RRBP1: variants seen among roughly 807,000 people sequenced by gnomAD.
RRBP1 encodes the protein ribosome binding protein 1, also known as ribosome-binding protein 1.
Under a neutral mutation model 165.2 loss-of-function variants are expected in RRBP1, and 94 were observed. The observed-to-expected ratio is 0.57, with a 90% CI of 0.48 to 0.68. The LOEUF (loss-of-function observed/expected upper bound fraction) is 0.68. Among genes scored for constraint, RRBP1 ranks in the 30% least tolerant of loss-of-function variants. RRBP1 has a pLI of 0.00. For synonymous variants in RRBP1, 680 were observed against 714.5 expected (o/e 0.95, Z 0.77); for missense variants, 1,676 against 1,763.0 (o/e 0.95, Z 0.88).
At chr20:17,676,468 T>C (rs1238057994) in intron 2 of RRBP1, among the ~76,000 whole-genome samples, 2 of 152,102 alleles carry the variant, frequency 1.3e-5, no homozygotes, top group African/African-American at 4.8e-5. Context: ...ACTCACTCAC[T>C]CCAGGGATCA....
At chr20:17,645,260 G>A (rs1272246832) in intron 3 of RRBP1, among the ~76,000 whole-genome samples, 2 of 152,342 alleles carry the variant, frequency 1.3e-5, no homozygotes, top group East Asian at 1.9e-4. Flanking sequence ...ATGCTCACCC[G>A]CCGCAGGCTC....
intron 2 of RRBP1, among the ~76,000 whole-genome samples, chr20:17,665,544 G>A (rs1466901326): frequency 1.3e-5 from 2 of 152,084 alleles, no homozygotes; most frequent in African/African-American, 4.8e-5. Context: ...GCTAATTTTT[G>A]TAGTTTTTAG....
intron 22 of RRBP1, among the ~76,000 whole-genome samples, 177 bp downstream of exon 22, chr20:17,615,749 G>A (rs1179708482): frequency 6.6e-6 from 1 of 152,210 alleles, no homozygotes; most frequent in African/African-American, 2.4e-5. Context: ...GGGCTCCCAA[G>A]GTGCCTCCAG....
In RRBP1 at chr20:17,658,606, T is replaced by G. The variant is rs368406747; in HGVS notation, c.1902A>C (p.Lys634Asn). ...PAKKKSGSKK[K>N]GEPGPPDADG... ...AAATCAGTTACTTACCAGGCTCACC[T>G]TTTTTCTTTGAACCAGACTTCTTCT... is the stretch of plus-strand genomic sequence containing the variant. The change falls in exon 3 of 25, where the codon AAA becomes AAC. Residue 634 changes from lysine to asparagine, a missense_variant. Lys to Asn is a moderately conservative substitution (Grantham distance 94). Around this residue, in one of 5 missense-constraint regions of RRBP1, gnomAD observed 1,184 missense variants for 1,167.1 expected, o/e 1.01. Transcript: ENST00000377813. 6.3e-7 allele frequency: 1 copy of G among 1,589,890 alleles called. No individual in the cohort carries two copies. The highest frequency in any genetic ancestry group is 1.7e-4 in the Middle Eastern group (1 of 5,816).
intron 3 of RRBP1, among the ~76,000 whole-genome samples, chr20:17,645,210 C>T (rs1402013831): frequency 6.6e-6 from 1 of 152,214 alleles, no homozygotes; most frequent in Non-Finnish European, 1.5e-5. Context: ...AGGGCACGCG[C>T]TCTAGGACGC....
Position 17,667,246 on chromosome 20 carries a change from C to A in RRBP1, c.-21-6718G>T, listed in dbSNP as rs1361829625. Among the ~76,000 whole-genome samples, 4 of 152,156 alleles carry A rather than the reference C, an allele frequency of 2.6e-5. No homozygotes were observed. The East Asian group carries it at 5.8e-4, about 22-fold the overall frequency. ...ACCATCAGGATTAGTGTTCTGAGAT[C>A]TTTTCTTAAAGGGGGAAGGCTGGCT... On this transcript the variant is annotated intron_variant, in intron 2 of 24. Transcript: ENST00000377813.
chr20:17,676,746 ATTTTGT>A (rs895204655), intron 2 of RRBP1, among the ~76,000 whole-genome samples: 3 of 151,884 alleles, frequency 2.0e-5, no homozygotes, highest in Admixed American at 1.3e-4. Context: ...AAAAATCTAG[ATTTTGT>A]TTTTGTTTTT....
chr20:17,627,466 T>A (rs374785645), intron 10 of RRBP1, 38 bp downstream of exon 10: 6 of 1,605,348 alleles, frequency 3.7e-6, no homozygotes, highest in Non-Finnish European at 5.1e-6. Flanking sequence ...CTAGATGGAG[T>A]TCCCTTTCCT....
At chr20:17,656,498 T>C (rs568228632) in intron 3 of RRBP1, among the ~76,000 whole-genome samples, 13 of 152,336 alleles carry the variant, frequency 8.5e-5, no homozygotes, top group African/African-American at 3.1e-4. Flanking sequence ...TTTTCCAAAT[T>C]ATGAATATAT....
Position 17,616,832 on chromosome 20 carries a change from T to C in RRBP1, c.3767A>G (p.Gln1256Arg). The C allele has an allele frequency of 6.2e-7, 1 of 1,612,666 alleles. No homozygotes were observed. Among genetic ancestry groups the C allele is most frequent in the Non-Finnish European group, 8.5e-7 (1 of 1,179,162 alleles). The change falls in exon 21 of 25, where the codon CAG becomes CGG. Residue 1256 changes from glutamine to arginine, a missense_variant. Physicochemically the swap from Gln to Arg is conservative, Grantham distance 43. Around this residue, in one of 5 missense-constraint regions of RRBP1, gnomAD observed 1,184 missense variants for 1,167.1 expected, o/e 1.01. Transcript: ENST00000377813. ...KQSDELALVR[Q>R]QLSEMKSHVE... ...GTGGCTCTTCATTTCACTCAACTGC[T>C]GCCTGACCTGGAACAGGAAGGGGTG...
chr20:17,667,935 T>C (rs1299336629), intron 2 of RRBP1, among the ~76,000 whole-genome samples: 1 of 152,226 alleles, frequency 6.6e-6, no homozygotes, highest in Non-Finnish European at 1.5e-5. Flanking sequence ...TCTCACCATG[T>C]TGAAGATGTT....
intron 3 of RRBP1, among the ~76,000 whole-genome samples, chr20:17,657,596 A>G (rs1266158884): frequency 6.6e-6 from 1 of 152,216 alleles, no homozygotes; most frequent in Non-Finnish European, 1.5e-5. Context: ...GAAAGGAAAA[A>G]AGAAAAGGAA....
intron 7 of RRBP1, among the ~76,000 whole-genome samples, chr20:17,634,020 A>T (rs1301881435): frequency 6.6e-6 from 1 of 152,194 alleles, no homozygotes; most frequent in Non-Finnish European, 1.5e-5. Context: ...GGCCAGCTGG[A>T]CCAGGGCCAG....
At position 17,641,893 on chromosome 20, in the gene RRBP1, C is replaced by T. The variant is rs772859385; in HGVS notation, c.2088G>A (p.Ala696=). 29 of 1,613,936 alleles carry T rather than the reference C, an allele frequency of 1.8e-5. No homozygotes were observed. The highest frequency in any genetic ancestry group is 1.0e-4 in the Admixed American group (6 of 60,006). Residue 696 remains alanine (A), a synonymous_variant, in exon 5 of 25, where the codon GCG becomes GCA. Coordinates refer to ENST00000377813, the MANE Select transcript of RRBP1 (RefSeq NM_001365613.2). ...HKATQKGDPV[A]ILKRQLEEKE... ...TCTCTTCCAGCTGGCGTTTCAGAAT[C>T]GCCACAGGGTCACCCTTCTGAGTGG...
chr20:17,618,418 T>G (rs1380882088), intron 20 of RRBP1, among the ~76,000 whole-genome samples, 178 bp downstream of exon 20: 1 of 152,016 alleles, frequency 6.6e-6, no homozygotes. Flanking sequence ...CAGCTCAGAG[T>G]TCTGGGCAAA....
chr20:17,650,458 A>C (rs945621646), intron 3 of RRBP1, among the ~76,000 whole-genome samples: 4 of 152,180 alleles, frequency 2.6e-5, no homozygotes, highest in African/African-American at 9.7e-5. Flanking sequence ...CACAGCCAAG[A>C]CAGAAGTGCC....
intron 20 of RRBP1, among the ~76,000 whole-genome samples, chr20:17,618,353 T>C (rs192591455): frequency 2.6e-4 from 40 of 152,232 alleles, no homozygotes; most frequent in African/African-American, 9.6e-4. Context: ...GGGGACCAGG[T>C]AGCCAGGGGA....
At chr20:17,673,969 A>G (rs73599764) in intron 2 of RRBP1, among the ~76,000 whole-genome samples, 1,721 of 152,322 alleles carry the variant, frequency 0.011, 74 homozygotes, top group East Asian at 0.073. Context: ...TTCCTTTCTA[A>G]TTACTACAAA....
At position 17,619,540 on chromosome 20, in the gene RRBP1, C is replaced by T. The variant is rs551319039; in HGVS notation, c.3675+93G>A. 2.5e-5 allele frequency: 22 copies of T among 880,208 alleles called. No homozygotes were observed. The South Asian group carries it at 3.3e-4, about 13-fold the overall frequency. 54.5% of individuals were successfully genotyped at this position (880,208 alleles called of 1,614,324 possible). A position where few individuals can be genotyped will look rare whatever the true frequency, so the allele number is the denominator to read the frequency against. On this transcript the variant is annotated intron_variant, in intron 19 of 24. Transcript: ENST00000377813. ...ACTCGGACTTCAAGGCTTATGTCACCGAGAGCTGCTCCCACAGGGCTGAGG... is the reference window on the plus strand; with the variant it reads ...ACTCGGACTTCAAGGCTTATGTCACTGAGAGCTGCTCCCACAGGGCTGAGG...
Sources: gnomAD v4.1 joint callset for allele counts (sites outside exome capture counted in the v4.1 genomes callset) on GRCh38, gnomAD v4.1.1 for gene constraint, gnomAD v4.1.1 regional missense constraint, MANE v1.5 for transcripts, NCBI Gene and HGNC (gene_info 2026-07-23, HGNC 2026-07-21) for gene names.